The following ALK variants were observed in gnomAD, a reference collection of about 807,000 sequenced individuals.
ALK encodes ALK tyrosine kinase receptor.
In ALK, 74 loss-of-function variants were observed where a neutral mutation model predicts 163.1. The ratio of observed to expected loss-of-function variants is 0.45; its 90% CI spans 0.38 to 0.55. The LOEUF is 0.55. Among genes scored for constraint, ALK ranks in the 20% least tolerant of loss-of-function variants. The pLI is 0.00. For synonymous variants in ALK, 960 were observed against 843.2 expected, an observed-to-expected ratio of 1.14 and a Z score of -2.40; for missense variants, 2,063 against 2,105.3, an observed-to-expected ratio of 0.98 and a Z score of 0.39.
rs537080292 is a variant in ALK at position 29,882,329 on chromosome 2, T to C, written c.667+37664A>G. Among the ~76,000 whole-genome samples the C allele has an allele frequency of 4.6e-5, 7 of 152,276 alleles. No homozygotes were observed. The South Asian group carries it at 1.4e-3, about 32-fold the overall frequency. On this transcript the variant is annotated intron_variant, in intron 1 of 28. Transcript: ENST00000389048. ...TAAAAAATGGAAATAATAAAAACTA[T>C]GAAGCAAAACATAATGTCTCAATAT... is the stretch of plus-strand genomic sequence containing the variant.
At chr2:29,606,888 T>C (rs1675556015) in intron 3 of ALK, among the ~76,000 whole-genome samples, 1 of 152,186 alleles carries the variant, frequency 6.6e-6, no homozygotes, top group African/African-American at 2.4e-5. Flanking sequence ...CCAAATGTGG[T>C]GGGAAAAATC....
intron 1 of ALK, among the ~76,000 whole-genome samples, chr2:29,915,778 A>G (rs1440147495): frequency 1.3e-5 from 2 of 152,180 alleles, no homozygotes; most frequent in Non-Finnish European, 2.9e-5. Context: ...GCTTTGTCAT[A>G]TACCCTCACC....
At chr2:29,347,532 A>G (rs569799377) in intron 5 of ALK, among the ~76,000 whole-genome samples, 1 of 152,350 alleles carries the variant, frequency 6.6e-6, no homozygotes, top group South Asian at 2.1e-4. Context: ...CATAGAGGAC[A>G]TAGGGGAGAT....
intron 3 of ALK, among the ~76,000 whole-genome samples, chr2:29,561,832 G>C (rs577726098): frequency 1.1e-4 from 16 of 152,302 alleles, no homozygotes; most frequent in East Asian, 7.7e-4. Context: ...CCGGGCATGG[G>C]GGGTAGTGGT....
rs559712482 is a variant in ALK, at chr2:29,734,873, T to G, written c.668-17176A>C. On this transcript the variant is annotated intron_variant, in intron 1 of 28. Transcript: ENST00000389048. ...CAATTTAAAATATATTTTAAAATAA[T>G]TATGCTCAGCACTGCTGAGGGCAAT... Among the ~76,000 whole-genome samples, 7 of 152,242 alleles carry G rather than the reference T, an allele frequency of 4.6e-5. No individual in the cohort carries two copies. The East Asian group carries it at 1.2e-3, about 25-fold the overall frequency.
intron 1 of ALK, among the ~76,000 whole-genome samples, chr2:29,810,915 A>C (rs1294830396): frequency 1.3e-5 from 2 of 152,108 alleles, no homozygotes; most frequent in Non-Finnish European, 2.9e-5. Flanking sequence ...CTCAGAAGAA[A>C]AGCCATGTTA....
intron 4 of ALK, among the ~76,000 whole-genome samples, chr2:29,520,176 G>C (rs1672775619): frequency 1.3e-5 from 2 of 152,208 alleles, no homozygotes; most frequent in South Asian, 2.1e-4. Context: ...GCCAGCATTT[G>C]CTCGGCAGTG....
At chr2:29,512,859 C>T (rs1672560814) in intron 4 of ALK, among the ~76,000 whole-genome samples, 1 of 150,900 alleles carries the variant, frequency 6.6e-6, no homozygotes, top group African/African-American at 2.5e-5. Flanking sequence ...CAACAACAGA[C>T]AAACAGAGAG....
rs780933389 is a variant in ALK at position 29,491,577 on chromosome 2, A to G, written c.1154+40338T>C. Among the ~76,000 whole-genome samples the G allele has an allele frequency of 8.7e-4, 132 of 152,214 alleles. 1 individual carries two copies. Among genetic ancestry groups the G allele is most frequent in the Admixed American group, 3.9e-4 (6 of 15,282 alleles). ...ATTGATGTTGAATACACATAGCACGAGCAACATTATTCCGACAAAATTGGA... is the reference window on the plus strand; with the variant it reads ...ATTGATGTTGAATACACATAGCACGGGCAACATTATTCCGACAAAATTGGA... On this transcript the variant is annotated intron_variant, in intron 4 of 28. Coordinates refer to ENST00000389048, the MANE Select transcript of ALK (RefSeq NM_004304.5).
At chr2:29,562,038 G>A (rs1050366288) in intron 3 of ALK, among the ~76,000 whole-genome samples, 2 of 152,152 alleles carry the variant, frequency 1.3e-5, no homozygotes, top group African/African-American at 2.4e-5. Context: ...ACAAGGATGA[G>A]CCATCAAATC....
chr2:29,325,260 A>G (rs757164143), intron 6 of ALK, among the ~76,000 whole-genome samples: 7 of 152,198 alleles, frequency 4.6e-5, no homozygotes, highest in Non-Finnish European at 8.8e-5. Flanking sequence ...GAAACATTTT[A>G]ACAGGTTCCA....
intron 4 of ALK, among the ~76,000 whole-genome samples, chr2:29,444,154 C>T (rs1257341397): frequency 6.6e-6 from 1 of 152,144 alleles, no homozygotes; most frequent in African/African-American, 2.4e-5. Flanking sequence ...CGTGGGGAGG[C>T]TTTTGGGGGT....
At chr2:29,667,350 T>C (rs992004637) in intron 3 of ALK, among the ~76,000 whole-genome samples, 14 of 152,152 alleles carry the variant, frequency 9.2e-5, no homozygotes, top group African/African-American at 1.9e-4. Flanking sequence ...TCCAGTGTTA[T>C]GTTAAATAAA....
chr2:29,520,311 G>C (rs1478640084), intron 4 of ALK, among the ~76,000 whole-genome samples: 1 of 152,246 alleles, frequency 6.6e-6, no homozygotes, highest in Non-Finnish European at 1.5e-5. Flanking sequence ...GAGCATTATA[G>C]ATGCATTCTT....
intron 3 of ALK, among the ~76,000 whole-genome samples, chr2:29,537,636 G>A (rs908102361): frequency 6.6e-6 from 1 of 152,222 alleles, no homozygotes; most frequent in Admixed American, 6.5e-5. Flanking sequence ...CCCCACTGGG[G>A]CACTTCCTAG....
chr2:29,356,128 C>G lies in ALK; in HGVS notation c.1282+27604G>C, dbSNP rs372094137. 3.1e-4 allele frequency among the ~76,000 whole-genome samples: 47 copies of G among 152,288 alleles called. No individual in the cohort carries two copies. In the East Asian group the frequency reaches 7.2e-3, roughly 23 times the overall value. ...GGAGCATGGGTGGAATCTGAAGGCC[C>G]CTCTGTCCTGATGCAGCCTGGGCCC... On this transcript the variant is annotated intron_variant, in intron 5 of 28. Transcript: ENST00000389048.
intron 9 of ALK, 129 bp downstream of exon 9, chr2:29,296,759 A>G (rs1283680281): frequency 7.3e-6 from 8 of 1,088,800 alleles, no homozygotes; most frequent in Middle Eastern, 2.0e-4. Flanking sequence ...GTGCACGCGC[A>G]CATATCGGTG....
At chr2:29,414,679 G>T (rs969827290) in intron 4 of ALK, among the ~76,000 whole-genome samples, 1 of 152,230 alleles carries the variant, frequency 6.6e-6, no homozygotes, top group Non-Finnish European at 1.5e-5. Flanking sequence ...GATTGTTTGT[G>T]TGTGAGTGGC....
intron 3 of ALK, among the ~76,000 whole-genome samples, chr2:29,580,042 A>G (rs1234740349): frequency 6.6e-6 from 1 of 152,136 alleles, no homozygotes; most frequent in Non-Finnish European, 1.5e-5. Flanking sequence ...CAGCCACAGA[A>G]TTTATAACGC....
Sources: allele counts gnomAD v4.1 joint callset (sites outside exome capture counted in the v4.1 genomes callset), GRCh38; gene constraint gnomAD v4.1.1; transcripts MANE v1.5; gene names NCBI Gene and HGNC (gene_info 2026-07-23, HGNC 2026-07-21).